The following RGS22 variants were observed in gnomAD, a reference collection of about 807,000 sequenced individuals.
The protein encoded by RGS22 is regulator of G protein signaling 22, also known as regulator of G-protein signaling 22.
Under a neutral mutation model 172.9 loss-of-function variants are expected in RGS22, and 148 were observed. The ratio of observed to expected loss-of-function variants is 0.86; its 90% CI spans 0.75 to 0.98. RGS22 has a LOEUF of 0.98. RGS22 is among the 50% of genes least tolerant of loss of function. The probability of loss-of-function intolerance (pLI) is 0.00; values close to 1 mark genes in which losing one functional copy is unlikely to be tolerated. For synonymous variants in RGS22, 458 were observed against 480.2 expected (o/e 0.95, Z 0.60); for missense variants, 1,347 against 1,440.8 (o/e 0.93, Z 1.05).
chr8:100,039,068 C>A, intron 13 of RGS22, 36 bp from the exon 14 acceptor site: 2 of 1,206,338 alleles, frequency 1.7e-6, no homozygotes, highest in South Asian at 1.4e-5. Flanking sequence ...TATTACCACC[C>A]AATTATTAAA....
chr8:100,025,582 T>G (rs560545740), intron 14 of RGS22, among the ~76,000 whole-genome samples: 98 of 152,334 alleles, frequency 6.4e-4, no homozygotes, highest in African/African-American at 2.2e-3. Flanking sequence ...GAAGGAGAAC[T>G]TAGCTCGTGA....
At chr8:100,001,202 T>TATATATA (rs1554611096) in intron 18 of RGS22, among the ~76,000 whole-genome samples, 82 of 124,776 alleles carry the variant, frequency 6.6e-4, no homozygotes, top group African/African-American at 2.5e-3. Context: ...TCCCAATTTT[T>TATATATA]TATATATATA....
chr8:100,033,839 C>T (rs1819131307), intron 14 of RGS22, among the ~76,000 whole-genome samples: 1 of 152,076 alleles, frequency 6.6e-6, no homozygotes, highest in Non-Finnish European at 1.5e-5. Flanking sequence ...TAATCCATCA[C>T]ATAAACAGAA....
chr8:100,028,484 C>A (rs539093571), intron 14 of RGS22, among the ~76,000 whole-genome samples: 13 of 150,012 alleles, frequency 8.7e-5, no homozygotes, highest in South Asian at 4.2e-4. Flanking sequence ...AAAAAAAAAG[C>A]CTTGCTTCTA....
At chr8:100,091,614 A>G (rs1056657010) in intron 3 of RGS22, among the ~76,000 whole-genome samples, 1 of 152,190 alleles carries the variant, frequency 6.6e-6, no homozygotes, top group Admixed American at 6.5e-5. Context: ...AGTTAAGAGA[A>G]TTTATTTCTT....
intron 14 of RGS22, among the ~76,000 whole-genome samples, chr8:100,025,763 T>C (rs1818107928): frequency 6.6e-6 from 1 of 152,254 alleles, no homozygotes; most frequent in Admixed American, 6.5e-5. Context: ...TAAAGTTTTT[T>C]CAATGGAATT....
At chr8:99,967,695 G>A (rs1183123460) in intron 23 of RGS22, among the ~76,000 whole-genome samples, 1 of 152,184 alleles carries the variant, frequency 6.6e-6, no homozygotes, top group Non-Finnish European at 1.5e-5. Flanking sequence ...CCTCCTCACT[G>A]GGCAGGGCAT....
At chr8:100,042,096 C>A in intron 11 of RGS22, 180 bp from the exon 12 acceptor site, 1 of 467,246 alleles carries the variant, frequency 2.1e-6, no homozygotes, top group Admixed American at 3.7e-5. Context: ...GAAAATGAGT[C>A]ATAGTTATAC....
chr8:100,028,750 C>A (rs1818450640), intron 14 of RGS22, among the ~76,000 whole-genome samples: 1 of 152,154 alleles, frequency 6.6e-6, no homozygotes, highest in South Asian at 2.1e-4. Flanking sequence ...AGAATTAGTT[C>A]TTCCAAGAAC....
At chr8:100,104,897 A>T (rs941241702) in intron 2 of RGS22, among the ~76,000 whole-genome samples, 1 of 152,216 alleles carries the variant, frequency 6.6e-6, no homozygotes, top group Non-Finnish European at 1.5e-5. Flanking sequence ...CCTAAATGAC[A>T]ATGTATAGGA....
Position 99,961,114 on chromosome 8 carries a change from T to C in RGS22, c.*128A>G. The C allele has an allele frequency of 7.2e-6, 3 of 416,096 alleles. No homozygotes were observed. The highest frequency in any genetic ancestry group is 9.4e-6 in the Non-Finnish European group (2 of 212,760). 25.8% of individuals were successfully genotyped at this position (416,096 alleles called of 1,614,324 possible). A position where few individuals can be genotyped will look rare whatever the true frequency, so the allele number is the denominator to read the frequency against. ...AATCCAGAATCAAACTTTATTTAGA[T>C]GTTAGGCTTGCTCTGATACAGACCT... On this transcript the variant is annotated 3_prime_UTR_variant, in exon 28 of 28. Coordinates refer to ENST00000360863, the MANE Select transcript of RGS22 (RefSeq NM_015668.5).
At chr8:100,098,921 AT>A (rs61203278) in intron 2 of RGS22, among the ~76,000 whole-genome samples, 3,995 of 113,832 alleles carry the variant, frequency 0.035, 304 homozygotes, top group African/African-American at 0.11. Context: ...ATTTTATTTT[AT>A]TTTATTTATT....
chr8:99,980,615 G>C (rs1406024555), intron 22 of RGS22, among the ~76,000 whole-genome samples: 1 of 152,102 alleles, frequency 6.6e-6, no homozygotes, highest in African/African-American at 2.4e-5. Flanking sequence ...CCTAAATAAA[G>C]ATTATTTATT....
In RGS22 at chr8:100,008,560, C is replaced by T; in HGVS notation, c.2176G>A (p.Ala726Thr). 1 of 1,603,526 alleles carries T rather than the reference C, an allele frequency of 6.2e-7. No homozygotes were observed. Among genetic ancestry groups the T allele is most frequent in the Non-Finnish European group, 8.5e-7 (1 of 1,176,832 alleles). ...KVCKQAQYLF[A>T]TYVAPSATLD... ...GTGGCAGAAGGAGCAACGTATGTGG[C>T]AAAAAGATACTGAAGGAGAAGAGGG... Residue 726 changes from alanine (A) to threonine (T), a missense_variant, in exon 15 of 28, where the codon GCC becomes ACC. Ala to Thr is a moderately conservative substitution (Grantham distance 58). Coordinates refer to ENST00000360863, the MANE Select transcript of RGS22 (RefSeq NM_015668.5).
intron 10 of RGS22, among the ~76,000 whole-genome samples, chr8:100,049,308 A>T (rs2131654550): frequency 6.6e-6 from 1 of 152,344 alleles, no homozygotes; most frequent in East Asian, 1.9e-4. Flanking sequence ...GTTATACCTT[A>T]GTTTCTGTAT....
At chr8:100,050,352 GATCA>G (rs1465221679) in intron 10 of RGS22, among the ~76,000 whole-genome samples, 1 of 152,158 alleles carries the variant, frequency 6.6e-6, no homozygotes, top group Non-Finnish European at 1.5e-5. Flanking sequence ...ACCCATTCCA[GATCA>G]ATTAAATCAG....
intron 2 of RGS22, among the ~76,000 whole-genome samples, chr8:100,099,970 T>C (rs1813332705): frequency 6.6e-6 from 1 of 152,332 alleles, no homozygotes; most frequent in Non-Finnish European, 1.5e-5. Context: ...TAATTTAACA[T>C]ATTTTGTTTG....
chr8:100,026,195 C>T (rs1418150798), intron 14 of RGS22, among the ~76,000 whole-genome samples: 7 of 152,094 alleles, frequency 4.6e-5, no homozygotes, highest in Non-Finnish European at 2.9e-5. Flanking sequence ...CTCAGAGAAC[C>T]TTAAGGCAGG....
intron 20 of RGS22, among the ~76,000 whole-genome samples, chr8:99,993,161 T>G (rs896464112): frequency 7.3e-5 from 11 of 151,688 alleles, no homozygotes; most frequent in South Asian, 2.1e-4. Flanking sequence ...ACAAGAGAAA[T>G]CAGGAAAGAT....
Sources: gnomAD v4.1 joint callset for allele counts (sites outside exome capture counted in the v4.1 genomes callset) on GRCh38, gnomAD v4.1.1 for gene constraint, MANE v1.5 for transcripts, NCBI Gene and HGNC (gene_info 2026-07-23, HGNC 2026-07-21) for gene names.